The following GRK4 variants were observed in gnomAD, a reference collection of about 807,000 sequenced individuals.
GRK4 encodes the protein G protein-coupled receptor kinase 2-like.
GRK4 carries 73 observed loss-of-function variants against 77.9 expected under a neutral mutation model. The observed-to-expected ratio is 0.94, with a 90% confidence interval of 0.78 to 1.14. The LOEUF (loss-of-function observed/expected upper bound fraction) is 1.14, where lower values mean the gene tolerates loss of function less well. Among genes scored for constraint, GRK4 ranks in the 50% most tolerant of loss-of-function variants. The probability of loss-of-function intolerance (pLI) is 0.00; values close to 1 mark genes in which losing one functional copy is unlikely to be tolerated. For missense variants in GRK4, 729 were observed against 700.2 expected, an observed-to-expected ratio of 1.04 and a Z score of -0.46; for synonymous variants, 257 against 254.4, an observed-to-expected ratio of 1.01 and a Z score of -0.10.
At chr4:2,980,365 C>T (rs544808454) in intron 1 of GRK4, among the ~76,000 whole-genome samples, 5 of 152,168 alleles carry the variant, frequency 3.3e-5, no homozygotes, top group South Asian at 4.1e-4. Context: ...GATGGGAACC[C>T]GGGAACCAGT....
intron 12 of GRK4, among the ~76,000 whole-genome samples, chr4:3,034,255 G>T (rs939646941): frequency 6.6e-6 from 1 of 152,180 alleles, no homozygotes; most frequent in East Asian, 1.9e-4. Flanking sequence ...GCCCAGCAAG[G>T]AGCTGAGAGC....
intron 8 of GRK4, 44 bp from the exon 9 acceptor site, chr4:3,019,597 A>G: frequency 1.4e-6 from 2 of 1,480,920 alleles, no homozygotes; most frequent in Non-Finnish European, 1.9e-6. Flanking sequence ...TCACCAATGA[A>G]AGAGCAAGTT....
intron 4 of GRK4, among the ~76,000 whole-genome samples, chr4:2,994,744 A>G (rs955229312): frequency 3.9e-5 from 6 of 152,202 alleles, no homozygotes; most frequent in African/African-American, 1.4e-4. Context: ...TGCTGCTGTA[A>G]TAGAATGCCA....
intron 1 of GRK4, chr4:2,966,101 C>T (rs1717557211): frequency 6.5e-6 from 1 of 153,524 alleles, no homozygotes; most frequent in Non-Finnish European, 1.4e-5. Context: ...AAACCTAAGA[C>T]CACAGTGATA....
rs569303606 is a variant in GRK4 at position 3,021,609 on chromosome 4, A to G, written c.933-805A>G. On this transcript the variant is annotated intron_variant, in intron 9 of 15. Transcript: ENST00000398052. ...GGGGTGGATTGCTGCCCTGGCTATG[A>G]GTCCTCTAGACACAGAGGTGGTCGC... Among the ~76,000 whole-genome samples the G allele has an allele frequency of 2.0e-5, 3 of 152,312 alleles. No individual in the cohort carries two copies. In the East Asian group the frequency reaches 5.8e-4, roughly 29 times the overall value.
At chr4:2,965,557 G>A in intron 1 of GRK4, 1 of 667,562 alleles carries the variant, frequency 1.5e-6, no homozygotes, top group Non-Finnish European at 2.7e-6. Flanking sequence ...TTAAAGGACA[G>A]TCTGGAGCCG....
At chr4:2,973,979 A>T (rs1720373367) in intron 1 of GRK4, among the ~76,000 whole-genome samples, 1 of 151,852 alleles carries the variant, frequency 6.6e-6, no homozygotes, top group South Asian at 2.1e-4. Context: ...TTGTTCTCTC[A>T]CCTGAGGAAT....
intron 4 of GRK4, among the ~76,000 whole-genome samples, chr4:2,999,770 A>G (rs934206420): frequency 6.6e-6 from 1 of 152,188 alleles, no homozygotes; most frequent in Middle Eastern, 3.2e-3. Context: ...AACAAAGAAA[A>G]AATAGATAAA....
intron 9 of GRK4, among the ~76,000 whole-genome samples, 173 bp downstream of exon 9, chr4:3,020,004 A>G (rs533712260): frequency 6.6e-6 from 1 of 151,998 alleles, no homozygotes; most frequent in East Asian, 1.9e-4. Flanking sequence ...ATGGCCAGTC[A>G]GAGGGCCCTG....
intron 1 of GRK4, among the ~76,000 whole-genome samples, chr4:2,974,289 T>C (rs1031163346): frequency 1.3e-5 from 2 of 152,252 alleles, no homozygotes; most frequent in Non-Finnish European, 2.9e-5. Context: ...TTTATTTGCT[T>C]TGTTCACTGC....
intron 1 of GRK4, chr4:2,971,222 T>A (rs1256959800): frequency 1.3e-5 from 2 of 152,220 alleles, no homozygotes; most frequent in Non-Finnish European, 2.9e-5. Flanking sequence ...CCAGTAAATA[T>A]GTGGTTAATT....
chr4:2,967,301 T>C (rs1446797656), intron 1 of GRK4, among the ~76,000 whole-genome samples: 2 of 152,242 alleles, frequency 1.3e-5, no homozygotes, highest in Non-Finnish European at 2.9e-5. Flanking sequence ...CCTTTTCCTT[T>C]CAGGAATGTT....
At chr4:2,965,841 G>A (rs1463667778) in intron 1 of GRK4, 1 of 236,548 alleles carries the variant, frequency 4.2e-6, no homozygotes, top group Non-Finnish European at 8.5e-6. Flanking sequence ...GCCATTTTCA[G>A]TGGAGCATTT....
chr4:2,998,903 G>A (rs114729102), intron 4 of GRK4, among the ~76,000 whole-genome samples: 136 of 152,212 alleles, frequency 8.9e-4, no homozygotes, highest in African/African-American at 3.2e-3. Context: ...AAGGGACGTG[G>A]ACTATAACAT....
intron 10 of GRK4, among the ~76,000 whole-genome samples, chr4:3,023,366 G>A (rs907064818): frequency 1.3e-5 from 2 of 152,232 alleles, no homozygotes; most frequent in Admixed American, 6.5e-5. Flanking sequence ...TTTCAAGTGA[G>A]TTTTCTTGGC....
intron 7 of GRK4, among the ~76,000 whole-genome samples, chr4:3,011,968 A>T (rs1174097058): frequency 6.6e-6 from 1 of 152,166 alleles, no homozygotes; most frequent in African/African-American, 2.4e-5. Context: ...GTCCTGTCGT[A>T]TCACTTCCAG....
At chr4:3,028,064 C>T (rs1021122233) in intron 11 of GRK4, 63 bp downstream of exon 11, 4 of 1,403,516 alleles carry the variant, frequency 2.8e-6, no homozygotes, top group Non-Finnish European at 4.0e-6. Flanking sequence ...CCTCAGAACA[C>T]AGAGAAATCC....
At chr4:2,995,329 G>A (rs1323271496) in intron 4 of GRK4, among the ~76,000 whole-genome samples, 1 of 152,064 alleles carries the variant, frequency 6.6e-6, no homozygotes, top group Non-Finnish European at 1.5e-5. Flanking sequence ...AGTTCAAGGT[G>A]TTGTTGACCT....
chr4:2,979,345 A>C (rs915585661), intron 1 of GRK4, among the ~76,000 whole-genome samples: 3 of 149,860 alleles, frequency 2.0e-5, no homozygotes, highest in African/African-American at 7.4e-5. Context: ...TGGAGGTTGC[A>C]ATCATCTGAG....
Sources: allele counts gnomAD v4.1 joint callset (sites outside exome capture counted in the v4.1 genomes callset), GRCh38; gene constraint gnomAD v4.1.1; transcripts MANE v1.5; gene names NCBI Gene and HGNC (gene_info 2026-07-23, HGNC 2026-07-21).